Variants in TTC28 observed in about 807,000 individuals in gnomAD.
TTC28 encodes tetratricopeptide repeat domain 28.
A neutral mutation model predicts 198.0 loss-of-function variants in TTC28; 61 were observed. That is an observed-to-expected ratio of 0.31 (90% confidence interval 0.25 to 0.38). The LOEUF (loss-of-function observed/expected upper bound fraction) is 0.38. Ranked by LOEUF, TTC28 falls within the 10% of genes least tolerant of loss-of-function variation. The probability of loss-of-function intolerance (pLI) is 1.00; values close to 1 mark genes in which losing one functional copy is unlikely to be tolerated. For missense variants in TTC28, 2,678 were observed against 3,164.0 expected (o/e 0.85, Z 3.69); for synonymous variants, 1,171 against 1,297.8 (o/e 0.90, Z 2.10).
At chr22:28,635,520 TTCCTCTGA>T (rs1365230104) in intron 1 of TTC28, among the ~76,000 whole-genome samples, 1 of 152,196 alleles carries the variant, frequency 6.6e-6, no homozygotes, top group African/African-American at 2.4e-5. Flanking sequence ...TGCTGATATT[TTCCTCTGA>T]TCCTCTGACA....
chr22:28,371,559 C>T (rs1200409422), intron 2 of TTC28, among the ~76,000 whole-genome samples: 1 of 81,210 alleles, frequency 1.2e-5, no homozygotes, highest in East Asian at 3.3e-4. Flanking sequence ...GCCTGGGCAA[C>T]ATGGCAAAAC....
intron 2 of TTC28, among the ~76,000 whole-genome samples, chr22:28,576,285 A>G (rs1168978245): frequency 2.6e-5 from 4 of 152,032 alleles, no homozygotes; most frequent in African/African-American, 7.2e-5. Context: ...GATATATCAC[A>G]TTGATTCATT....
Position 28,278,169 on chromosome 22 carries a change from A to C in TTC28, c.933+18029T>G, listed in dbSNP as rs542721083. Among the ~76,000 whole-genome samples, 12 of 152,244 alleles carry C rather than the reference A, an allele frequency of 7.9e-5. No individual in the cohort carries two copies. In the South Asian group the frequency reaches 2.5e-3, roughly 32 times the overall value. ...CAGAAGGCTTTTGGTATATCTCAGG[A>C]AGCCTGTTTCTCTGGGAAACTACTG... is the stretch of plus-strand genomic sequence containing the variant. On this transcript the variant is annotated intron_variant, in intron 5 of 22. Coordinates refer to ENST00000397906, the MANE Select transcript of TTC28 (RefSeq NM_001145418.2).
chr22:28,021,796 C>T (rs1489284836), intron 13 of TTC28, among the ~76,000 whole-genome samples: 1 of 152,120 alleles, frequency 6.6e-6, no homozygotes, highest in African/African-American at 2.4e-5. Flanking sequence ...CATGGTCTGT[C>T]TAGATATAGG....
chr22:28,609,072 CATG>C (rs1286602671), intron 2 of TTC28, among the ~76,000 whole-genome samples: 1 of 152,028 alleles, frequency 6.6e-6, no homozygotes, highest in Non-Finnish European at 1.5e-5. Context: ...AGAAACTGTT[CATG>C]ATAAGAAAAT....
chr22:28,639,898 T>C (rs2051335331), intron 1 of TTC28, among the ~76,000 whole-genome samples: 1 of 152,178 alleles, frequency 6.6e-6, no homozygotes, highest in African/African-American at 2.4e-5. Flanking sequence ...AAGAATTCAA[T>C]GTACAAGACT....
rs58512456 is a variant in TTC28 at position 28,466,820 on chromosome 22, TAC to T, written c.382-160179_382-160178del. ...AGTATTCTCACATTATATACATACA[TAC>T]ACACACACACACACACACACACACA... On this transcript the variant is annotated intron_variant, in intron 2 of 22. Coordinates refer to ENST00000397906, the MANE Select transcript of TTC28 (RefSeq NM_001145418.2). Among the ~76,000 whole-genome samples the T allele has an allele frequency of 9.8e-3, 1,406 of 143,832 alleles. 11 individuals carry two copies. The highest frequency in any genetic ancestry group is 0.04 in the South Asian group (177 of 4,414). The allele number at this position is 143,832 out of a possible 152,430, so 94.4% of individuals were successfully genotyped here. A position where few individuals can be genotyped will look rare whatever the true frequency, so the allele number is the denominator to read the frequency against.
chr22:28,532,517 A>T (rs897000079), intron 2 of TTC28, among the ~76,000 whole-genome samples: 6 of 152,230 alleles, frequency 3.9e-5, no homozygotes, highest in Admixed American at 1.3e-4. Flanking sequence ...AAACTATTCC[A>T]ATCAAAAGAA....
intron 2 of TTC28, among the ~76,000 whole-genome samples, chr22:28,399,161 A>C (rs1352319502): frequency 1.3e-5 from 2 of 151,870 alleles, no homozygotes; most frequent in Non-Finnish European, 2.9e-5. Flanking sequence ...CCTTTGTTTG[A>C]AATTTCTTAA....
chr22:28,218,187 A>T (rs1226096760), intron 5 of TTC28, among the ~76,000 whole-genome samples: 1 of 152,188 alleles, frequency 6.6e-6, no homozygotes, highest in Non-Finnish European at 1.5e-5. Flanking sequence ...TTTCAAATGC[A>T]TTGGTTTATC....
chr22:28,264,146 G>T (rs1160076252), intron 5 of TTC28, among the ~76,000 whole-genome samples: 2 of 152,118 alleles, frequency 1.3e-5, no homozygotes, highest in Admixed American at 1.3e-4. Flanking sequence ...GAGAAAGCTG[G>T]TGAGAGGTAA....
At chr22:28,219,527 A>G (rs993718625) in intron 5 of TTC28, among the ~76,000 whole-genome samples, 2 of 151,980 alleles carry the variant, frequency 1.3e-5, no homozygotes, top group Non-Finnish European at 2.9e-5. Context: ...GAAAAAAAAA[A>G]CAGCCATTTC....
At position 28,214,434 on chromosome 22, in the gene TTC28, A is replaced by G. The variant is rs946209975; in HGVS notation, c.934-50835T>C. ...TACAAAGAACTTAAACAAATTTCCA[A>G]GAAAAAATCAAACAACCTCATCAAA... On this transcript the variant is annotated intron_variant, in intron 5 of 22. Transcript: ENST00000397906. Among the ~76,000 whole-genome samples, 4 of 152,244 alleles carry G rather than the reference A, an allele frequency of 2.6e-5. No individual in the cohort carries two copies. In the East Asian group the frequency reaches 5.8e-4, roughly 22 times the overall value.
At chr22:28,306,687 A>G in intron 2 of TTC28, 44 bp from the exon 3 acceptor site, 3 of 1,542,336 alleles carry the variant, frequency 1.9e-6, no homozygotes, top group Non-Finnish European at 2.6e-6. Context: ...CTGTGCTCCA[A>G]CAAGGCTGAT....
intron 2 of TTC28, among the ~76,000 whole-genome samples, chr22:28,498,670 C>A (rs2048492431): frequency 6.6e-6 from 1 of 152,072 alleles, no homozygotes; most frequent in African/African-American, 2.4e-5. Flanking sequence ...TCTGAGGGAA[C>A]ATGAGCACTT....
chr22:28,495,384 G>T (rs1178952309), intron 2 of TTC28, among the ~76,000 whole-genome samples: 1 of 152,120 alleles, frequency 6.6e-6, no homozygotes, highest in Non-Finnish European at 1.5e-5. Flanking sequence ...ATTCTCAACA[G>T]CAAAAAGAAA....
chr22:28,165,613 C>T (rs578100681), intron 5 of TTC28, among the ~76,000 whole-genome samples: 1 of 152,294 alleles, frequency 6.6e-6, no homozygotes, highest in South Asian at 2.1e-4. Context: ...AAATCCTTTA[C>T]AGACAAGTAA....
chr22:28,491,343 T>A (rs943223876), intron 2 of TTC28, among the ~76,000 whole-genome samples: 5 of 151,808 alleles, frequency 3.3e-5, no homozygotes, highest in Non-Finnish European at 5.9e-5. Flanking sequence ...TGGGAGAAAA[T>A]TTTTGCAATC....
intron 16 of TTC28, 23 bp from the exon 17 acceptor site, chr22:27,996,282 C>G (rs754508660): frequency 1.9e-6 from 3 of 1,547,936 alleles, no homozygotes; most frequent in Non-Finnish European, 2.6e-6. Flanking sequence ...AAGGAGGGCA[C>G]CTCAGCAGGG....
Sources: gnomAD v4.1 joint callset for allele counts (sites outside exome capture counted in the v4.1 genomes callset) on GRCh38, gnomAD v4.1.1 for gene constraint, MANE v1.5 for transcripts, NCBI Gene and HGNC (gene_info 2026-07-23, HGNC 2026-07-21) for gene names.